ESR1: variants seen among roughly 807,000 people sequenced by gnomAD.
ESR1 encodes the protein estrogen receptor.
In ESR1, 12 loss-of-function variants were observed where a neutral mutation model predicts 52.7. The observed-to-expected ratio is 0.23, with a 90% CI of 0.15 to 0.37. The LOEUF is 0.37. Among genes scored for constraint, ESR1 ranks in the 10% least tolerant of loss-of-function variants. The probability of loss-of-function intolerance (pLI) is 1.00; values close to 1 mark genes in which losing one functional copy is unlikely to be tolerated. For synonymous variants in ESR1, 305 were observed against 316.8 expected, an observed-to-expected ratio of 0.96 and a Z score of 0.39; for missense variants, 584 against 779.7, an observed-to-expected ratio of 0.75 and a Z score of 2.99.
chr6:151,698,527 A>C (rs1244828956), intron 1 of ESR1, among the ~76,000 whole-genome samples: 4 of 152,176 alleles, frequency 2.6e-5, no homozygotes, highest in African/African-American at 9.6e-5. Context: ...CAGTTGCCTA[A>C]AATGCTTTAC....
intron 2 of ESR1, among the ~76,000 whole-genome samples, chr6:151,851,823 C>T (rs1047666991): frequency 6.6e-6 from 1 of 152,066 alleles, no homozygotes; most frequent in African/African-American, 2.4e-5. Context: ...CCGCCGCACC[C>T]GGCTGATGAA....
chr6:151,729,527 C>A (rs1193290902), intron 2 of ESR1, among the ~76,000 whole-genome samples: 10 of 152,022 alleles, frequency 6.6e-5, no homozygotes, highest in Non-Finnish European at 1.3e-4. Flanking sequence ...CTTTAAAACA[C>A]CTAGAGTTTA....
intron 4 of ESR1, among the ~76,000 whole-genome samples, chr6:151,980,023 C>T (rs1237694093): frequency 1.3e-5 from 2 of 152,010 alleles, no homozygotes; most frequent in African/African-American, 4.8e-5. Context: ...TTTTAAATGA[C>T]AAGACATTTC....
chr6:151,716,130 A>G (rs1007164886), intron 2 of ESR1, among the ~76,000 whole-genome samples: 5 of 151,900 alleles, frequency 3.3e-5, no homozygotes, highest in African/African-American at 1.2e-4. Flanking sequence ...CTGGAGGTCT[A>G]CTCCAAACCC....
At chr6:151,825,578 G>A (rs1052103698) in intron 1 of ESR1, among the ~76,000 whole-genome samples, 6 of 152,106 alleles carry the variant, frequency 3.9e-5, no homozygotes, top group African/African-American at 1.4e-4. Flanking sequence ...GAGTCACGAT[G>A]GAAGGCATGT....
intron 3 of ESR1, among the ~76,000 whole-genome samples, chr6:151,883,123 C>G (rs1168219851): frequency 6.9e-6 from 1 of 144,884 alleles, no homozygotes; most frequent in Non-Finnish European, 1.5e-5. Flanking sequence ...TGAGCCCTCC[C>G]TTTTTTTTTT....
intron 4 of ESR1, among the ~76,000 whole-genome samples, chr6:151,958,993 T>TGTGTGTGTGTGTGTGTGTGTGTGTGC (rs1437735036): frequency 1.3e-5 from 2 of 151,896 alleles, no homozygotes; most frequent in African/African-American, 4.8e-5. Flanking sequence ...TGTGTGTGTG[T>TGTGTGTGTGTGTGTGTGTGTGTGTGC]GCGTGTGTGT....
At chr6:151,935,898 A>T (rs766268305) in intron 3 of ESR1, among the ~76,000 whole-genome samples, 1 of 152,202 alleles carries the variant, frequency 6.6e-6, no homozygotes, top group African/African-American at 2.4e-5. Flanking sequence ...CTGAAACAGA[A>T]CAGTCTTACT....
intron 4 of ESR1, among the ~76,000 whole-genome samples, chr6:151,954,453 T>C (rs1449277708): frequency 6.6e-6 from 1 of 152,234 alleles, no homozygotes; most frequent in Admixed American, 6.5e-5. Flanking sequence ...GGAAATGTAA[T>C]AAAATGATGG....
At chr6:151,668,078 T>TA (rs1388081172) in intron 1 of ESR1, among the ~76,000 whole-genome samples, 1 of 152,124 alleles carries the variant, frequency 6.6e-6, no homozygotes, top group Non-Finnish European at 1.5e-5. Context: ...TGTGCTGCTA[T>TA]AAAAAATACC....
intron 3 of ESR1, among the ~76,000 whole-genome samples, chr6:151,889,097 T>C (rs1794315905): frequency 6.6e-6 from 1 of 152,232 alleles, no homozygotes; most frequent in Non-Finnish European, 1.5e-5. Flanking sequence ...TTTGCATCTA[T>C]ATTCATCAGG....
chr6:151,675,968 G>A (rs530705232), intron 1 of ESR1, among the ~76,000 whole-genome samples: 47 of 152,368 alleles, frequency 3.1e-4, no homozygotes, highest in Non-Finnish European at 4.9e-4. Flanking sequence ...CCTGCCTGCA[G>A]ATTCCAAGGC....
intron 1 of ESR1, among the ~76,000 whole-genome samples, chr6:151,692,602 T>C (rs1779032267): frequency 6.6e-6 from 1 of 152,162 alleles, no homozygotes; most frequent in Non-Finnish European, 1.5e-5. Context: ...AGGGTCTCCA[T>C]TGTTAATCTC....
chr6:151,948,094 G>T (rs938837127), intron 4 of ESR1, among the ~76,000 whole-genome samples: 1 of 152,054 alleles, frequency 6.6e-6, no homozygotes, highest in African/African-American at 2.4e-5. Context: ...TTGAGCTGAA[G>T]GTTAAAAAGG....
chr6:151,825,740 C>T (rs1031184529), intron 1 of ESR1, among the ~76,000 whole-genome samples: 4 of 151,758 alleles, frequency 2.6e-5, no homozygotes, highest in Admixed American at 1.3e-4. Flanking sequence ...GGAGAAACCT[C>T]GTCTCTACCA....
At chr6:151,777,961 A>C (rs1313406056) in intron 2 of ESR1, among the ~76,000 whole-genome samples, 1 of 152,152 alleles carries the variant, frequency 6.6e-6, no homozygotes, top group East Asian at 1.9e-4. Context: ...ACTCTGTCTC[A>C]AAAATAAATA....
At chr6:151,976,935 G>A (rs1188004205) in intron 4 of ESR1, among the ~76,000 whole-genome samples, 1 of 151,954 alleles carries the variant, frequency 6.6e-6, no homozygotes, top group Admixed American at 6.6e-5. Context: ...TATAGTAAGG[G>A]AGTTTTAAAC....
At chr6:151,989,489 T>C (rs117533178) in intron 4 of ESR1, among the ~76,000 whole-genome samples, 1,891 of 152,224 alleles carry the variant, frequency 0.012, 29 homozygotes, top group Non-Finnish European at 0.019. Context: ...AAAAAAATCA[T>C]TATATTTAAA....
chr6:151,773,085 A>G (rs1402641462), intron 2 of ESR1, among the ~76,000 whole-genome samples: 1 of 152,198 alleles, frequency 6.6e-6, no homozygotes, highest in Admixed American at 6.5e-5. Context: ...TGGAATTAAA[A>G]CAAGGCCACT....
Sources: gnomAD v4.1 joint callset for allele counts (sites outside exome capture counted in the v4.1 genomes callset) on GRCh38, gnomAD v4.1.1 for gene constraint, MANE v1.5 for transcripts, NCBI Gene and HGNC (gene_info 2026-07-23, HGNC 2026-07-21) for gene names.